The following SLC13A3 variants were observed in gnomAD, a reference collection of about 807,000 sequenced individuals.
SLC13A3 encodes Na(+)/dicarboxylate cotransporter 3.
In SLC13A3, 40 loss-of-function variants were observed where a neutral mutation model predicts 59.0. That is an observed-to-expected ratio of 0.68 (90% CI 0.53 to 0.88). SLC13A3 has a LOEUF of 0.88. Among genes scored for constraint, SLC13A3 ranks in the 40% least tolerant of loss-of-function variants. The pLI, the probability that SLC13A3 is intolerant of heterozygous loss-of-function variation, is 0.00. For synonymous variants in SLC13A3, 317 were observed against 330.3 expected (o/e 0.96, Z 0.44); for missense variants, 699 against 783.2 (o/e 0.89, Z 1.28).
intron 3 of SLC13A3, among the ~76,000 whole-genome samples, chr20:46,607,514 T>G (rs1220282988): frequency 1.3e-5 from 2 of 152,172 alleles, no homozygotes; most frequent in Non-Finnish European, 2.9e-5. Context: ...TCCTCCCTGA[T>G]CCCATGGCCT....
chr20:46,634,947 C>T (rs557017264), intron 1 of SLC13A3, among the ~76,000 whole-genome samples: 5 of 152,258 alleles, frequency 3.3e-5, no homozygotes, highest in South Asian at 2.1e-4. Flanking sequence ...CATCCTCTCC[C>T]GCACCTTTGC....
At chr20:46,621,198 C>A (rs2062610601) in intron 1 of SLC13A3, among the ~76,000 whole-genome samples, 1 of 152,162 alleles carries the variant, frequency 6.6e-6, no homozygotes, top group South Asian at 2.1e-4. Flanking sequence ...GAAAGCTTCC[C>A]CAGAGAGTCC....
chr20:46,633,800 G>C (rs1203770868), intron 1 of SLC13A3, among the ~76,000 whole-genome samples: 2 of 152,254 alleles, frequency 1.3e-5, no homozygotes, highest in Admixed American at 1.3e-4. Context: ...GCAAACCATA[G>C]ACAAGAAGAA....
chr20:46,626,647 C>T (rs1054448914), intron 1 of SLC13A3, among the ~76,000 whole-genome samples: 2 of 152,194 alleles, frequency 1.3e-5, no homozygotes, highest in East Asian at 3.8e-4. Flanking sequence ...GTATGCCAGA[C>T]ATCTGGTGGA....
rs569968010 is a variant in SLC13A3, at chr20:46,584,860, T to C, written c.1122-1191A>G. Reference sequence around the variant, plus strand: ...ATTACTGATAAGAGTAAAAAAAAATTGGAAGATTTTTGATAGACACATGTT... The same window carrying C: ...ATTACTGATAAGAGTAAAAAAAAATCGGAAGATTTTTGATAGACACATGTT... On this transcript the variant is annotated intron_variant, in intron 8 of 12. Coordinates refer to ENST00000279027, the MANE Select transcript of SLC13A3 (RefSeq NM_022829.6). 1.1e-4 allele frequency among the ~76,000 whole-genome samples: 17 copies of C among 148,746 alleles called. No homozygotes were observed. In the East Asian group the frequency reaches 2.9e-3, roughly 25 times the overall value.
chr20:46,577,547 GAAA>G (rs111649931), intron 9 of SLC13A3, among the ~76,000 whole-genome samples: 10,005 of 152,276 alleles, frequency 0.066, 900 homozygotes, highest in African/African-American at 0.21. Context: ...GGGGAAGGAA[GAAA>G]GCCTTGAGCA....
Position 46,563,359 on chromosome 20 carries a change from C to G in SLC13A3, c.1632+55G>C, listed in dbSNP as rs1875991234. 2.5e-6 allele frequency: 4 copies of G among 1,582,174 alleles called. No individual in the cohort carries two copies. The Admixed American group carries it at 5.2e-5, about 21-fold the overall frequency. On this transcript the variant is annotated intron_variant, in intron 12 of 12. Coordinates refer to ENST00000279027, the MANE Select transcript of SLC13A3 (RefSeq NM_022829.6). ...AGTCCTGCATAGAGGCCTTGCCCGC[C>G]CCCTTGCGGCCCACCCACATCCCGG... is the stretch of plus-strand genomic sequence containing the variant.
intron 1 of SLC13A3, among the ~76,000 whole-genome samples, chr20:46,621,468 A>G (rs1430070032): frequency 6.6e-6 from 1 of 152,250 alleles, no homozygotes; most frequent in African/African-American, 2.4e-5. Flanking sequence ...TGGTATCATC[A>G]TTACAAAAGT....
intron 9 of SLC13A3, among the ~76,000 whole-genome samples, chr20:46,577,906 C>T (rs879355455): frequency 2.0e-5 from 3 of 152,222 alleles, no homozygotes; most frequent in Non-Finnish European, 4.4e-5. Flanking sequence ...CCCTCGGAGA[C>T]TTACTGGAAA....
intron 9 of SLC13A3, among the ~76,000 whole-genome samples, chr20:46,576,966 G>A (rs1345305246): frequency 6.6e-6 from 1 of 151,888 alleles, no homozygotes. Flanking sequence ...CAATCCACAG[G>A]TGTATGCAGT....
At position 46,560,094 on chromosome 20, in the gene SLC13A3, C is replaced by T. The variant is rs2061918064; in HGVS notation, c.1737G>A (p.Trp579Ter). 1.9e-6 allele frequency: 3 copies of T among 1,614,014 alleles called. No individual in the cohort carries two copies. Among genetic ancestry groups the T allele is most frequent in the Non-Finnish European group, 2.5e-6 (3 of 1,180,050 alleles). The change falls in exon 13 of 13, where the codon TGG becomes TGA. Residue 579 changes from tryptophan (W) to a stop codon, truncating the protein, a stop_gained. Coordinates refer to ENST00000279027, the MANE Select transcript of SLC13A3 (RefSeq NM_022829.6). LOFTEE classifies it low-confidence loss of function (END_TRUNC). ...TGACATTGACCGAGTACATATCAGC[C>T]CAGTCCGGGAAGGTGCCCAGCTGGA... is the stretch of plus-strand genomic sequence containing the variant. ...TIFQLGTFPD[W>*]ADMYSVNVTA... is the part of the protein sequence containing the mutation.
chr20:46,638,535 C>T (rs1050765583), intron 1 of SLC13A3, among the ~76,000 whole-genome samples: 4 of 152,232 alleles, frequency 2.6e-5, no homozygotes, highest in African/African-American at 9.6e-5. Context: ...TCCAGTGAAG[C>T]CTGGAGCTGG....
rs199660452 is a variant in SLC13A3, at chr20:46,658,248, T to TA, written c.-31+11794dup. Among the ~76,000 whole-genome samples, 78 of 151,602 alleles carry TA rather than the reference T, an allele frequency of 5.1e-4. No individual in the cohort carries two copies. The East Asian group carries it at 0.013, about 25-fold the overall frequency. On this transcript the variant is annotated intron_variant, in intron 1 of 12. Coordinates refer to the SLC13A3 transcript ENST00000290317. The stretch of plus-strand genomic sequence containing the variant: ...TATGCTATATGAAAGAAGCTGAACA[T>TA]AAAAAAAACTACATTCTGCATAATT...
intron 1 of SLC13A3, among the ~76,000 whole-genome samples, chr20:46,632,939 CT>C (rs1471251285): frequency 6.6e-5 from 2 of 30,172 alleles, no homozygotes; most frequent in Non-Finnish European, 1.6e-4. Flanking sequence ...ATCTATCTAT[CT>C]ATCTATCTAT....
intron 1 of SLC13A3, among the ~76,000 whole-genome samples, chr20:46,617,470 A>C (rs993118549): frequency 5.9e-5 from 9 of 151,494 alleles, no homozygotes; most frequent in African/African-American, 2.2e-4. Context: ...AAAACCAAAC[A>C]AAAAAAAACT....
chr20:46,566,345 C>T lies in SLC13A3; in HGVS notation c.1378G>A (p.Glu460Lys), dbSNP rs777326944. Residue 460 changes from glutamate to lysine, a missense_variant, in exon 11 of 13, where the codon GAG becomes AAG. Glu to Lys is a moderately conservative substitution (Grantham distance 56, BLOSUM62 1). Transcript: ENST00000279027. ...ACAGCCAGGGCGGGGGGCACATTCT[C>T]CAGGGGGTGCAGCTGCCCACCAATC... is the stretch of plus-strand genomic sequence containing the variant. ...VWIGGQLHPL[E>K]NVPPALAVLL... The T allele has an allele frequency of 6.2e-7, 1 of 1,612,654 alleles. No individual in the cohort carries two copies. The highest frequency in any genetic ancestry group is 1.7e-5 in the Admixed American group (1 of 59,962).
At chr20:46,613,808 G>A (rs1028228295) in intron 1 of SLC13A3, 83 bp from the exon 2 acceptor site, 4 of 1,236,462 alleles carry the variant, frequency 3.2e-6, no homozygotes, top group Non-Finnish European at 3.3e-6. Flanking sequence ...GGCAGAGGGG[G>A]AAGGAGGCCT....
Position 46,587,938 on chromosome 20 carries a change from G to T in SLC13A3, c.1121+121C>A, listed in dbSNP as rs535890613. 1.6e-3 allele frequency: 876 copies of T among 539,952 alleles called. 1 individual carries two copies. Among genetic ancestry groups the T allele is most frequent in the Non-Finnish European group, 2.5e-3 (734 of 299,348 alleles). 33.4% of individuals were successfully genotyped at this position (539,952 alleles called of 1,614,324 possible). ...GAGGGACCTATTAATAATCATATGG[G>T]ACAAAAGATGGAAACTTGGATGCGT... On this transcript the variant is annotated intron_variant, in intron 8 of 12. Transcript: ENST00000279027.
intron 3 of SLC13A3, among the ~76,000 whole-genome samples, chr20:46,608,298 T>A (rs1483041335): frequency 6.6e-6 from 1 of 152,246 alleles, no homozygotes; most frequent in East Asian, 1.9e-4. Context: ...TCAGCACCCA[T>A]AAATACAATT....
Sources: gnomAD v4.1 joint callset for allele counts (sites outside exome capture counted in the v4.1 genomes callset) on GRCh38, gnomAD v4.1.1 for gene constraint, MANE v1.5 for transcripts, NCBI Gene and HGNC (gene_info 2026-07-23, HGNC 2026-07-21) for gene names.